Variants in LDLRAD4 observed in about 807,000 individuals in gnomAD.
LDLRAD4 encodes the protein low-density lipoprotein receptor class A domain-containing protein 4.
Under a neutral mutation model 17.0 loss-of-function variants are expected in LDLRAD4, and 5 were observed. The observed-to-expected ratio is 0.29, with a 90% CI of 0.15 to 0.62. The LOEUF is 0.62. LDLRAD4 is among the 20% of genes least tolerant of loss of function. The pLI is 0.84. For missense variants in LDLRAD4, 340 were observed against 424.7 expected (o/e 0.80, Z 1.75); for synonymous variants, 168 against 171.8 (o/e 0.98, Z 0.17).
intron 3 of LDLRAD4, among the ~76,000 whole-genome samples, chr18:13,540,461 C>T (rs922729127): frequency 6.7e-6 from 1 of 149,692 alleles, no homozygotes; most frequent in Non-Finnish European, 1.5e-5. Flanking sequence ...TCCTATATAA[C>T]CTTTTTTTCT....
At chr18:13,641,230 G>T (rs2042522767) in intron 4 of LDLRAD4, among the ~76,000 whole-genome samples, 1 of 152,190 alleles carries the variant, frequency 6.6e-6, no homozygotes, top group South Asian at 2.1e-4. Flanking sequence ...GAGCCCAGGA[G>T]TTCAAGATCA....
chr18:13,399,614 T>C (rs928582125), intron 2 of LDLRAD4, among the ~76,000 whole-genome samples: 4 of 152,222 alleles, frequency 2.6e-5, no homozygotes, highest in Non-Finnish European at 5.9e-5. Context: ...TTGCTAACTC[T>C]GAGACCCCAG....
intron 1 of LDLRAD4, among the ~76,000 whole-genome samples, chr18:13,304,659 C>G (rs1305065661): frequency 6.6e-6 from 1 of 152,206 alleles, no homozygotes; most frequent in African/African-American, 2.4e-5. Flanking sequence ...AACATCAGCC[C>G]TTTTGAGTTT....
At chr18:13,345,132 G>A (rs926956075) in intron 1 of LDLRAD4, among the ~76,000 whole-genome samples, 3 of 152,168 alleles carry the variant, frequency 2.0e-5, no homozygotes, top group African/African-American at 7.2e-5. Context: ...AATAGGAGTG[G>A]TGAGAGAGGG....
At chr18:13,275,836 A>C (rs1230686650), upstream of LDLRAD4, among the ~76,000 whole-genome samples, 3 of 152,200 alleles carry the variant, frequency 2.0e-5, no homozygotes, top group East Asian at 5.8e-4. Context: ...TGCCAGGATG[A>C]CGGGGATGTG....
intron 4 of LDLRAD4, among the ~76,000 whole-genome samples, chr18:13,638,608 T>G (rs988905934): frequency 2.0e-5 from 3 of 152,216 alleles, no homozygotes; most frequent in African/African-American, 7.2e-5. Context: ...TAACAGCCCC[T>G]GATAAGTCCT....
At chr18:13,338,480 T>C (rs1266264947) in intron 1 of LDLRAD4, among the ~76,000 whole-genome samples, 1 of 152,208 alleles carries the variant, frequency 6.6e-6, no homozygotes, top group East Asian at 1.9e-4. Context: ...TGTGCCCTTC[T>C]TCAGTGTAGC....
chr18:13,520,686 C>T (rs557243322), intron 3 of LDLRAD4: 2 of 152,178 alleles, frequency 1.3e-5, no homozygotes, highest in South Asian at 4.1e-4. Context: ...GACCTCGTCT[C>T]TACTAAAAAT....
At chr18:13,494,059 G>A (rs1648610) in intron 3 of LDLRAD4, among the ~76,000 whole-genome samples, 12,843 of 152,280 alleles carry the variant, frequency 0.084, 627 homozygotes, top group East Asian at 0.21. Context: ...TCCTGGGCTC[G>A]GAGCACAGCT....
intron 2 of LDLRAD4, among the ~76,000 whole-genome samples, chr18:13,417,502 G>A (rs916846241): frequency 6.7e-6 from 1 of 149,906 alleles, no homozygotes; most frequent in East Asian, 2.0e-4. Flanking sequence ...GCGCGATCTC[G>A]GCTCACTGCA....
intron 3 of LDLRAD4, chr18:13,611,419 C>T (rs1288460726): frequency 1.0e-6 from 1 of 984,146 alleles, no homozygotes; most frequent in African/African-American, 1.7e-5. Flanking sequence ...CCGTGATTTT[C>T]TCTGAAAACT....
chr18:13,309,698 T>C (rs1238540556), intron 1 of LDLRAD4, among the ~76,000 whole-genome samples: 3 of 152,046 alleles, frequency 2.0e-5, no homozygotes, highest in Admixed American at 6.5e-5. Flanking sequence ...CTTTGTGGAG[T>C]ATTTCCTGTG....
intron 3 of LDLRAD4, among the ~76,000 whole-genome samples, chr18:13,572,914 G>T (rs574674013): frequency 6.6e-6 from 1 of 152,184 alleles, no homozygotes; most frequent in Admixed American, 6.5e-5. Flanking sequence ...TGGCGCAGGC[G>T]AGACTGCCAC....
intron 2 of LDLRAD4, chr18:13,419,415 T>G (rs563919593): frequency 1.3e-5 from 2 of 152,296 alleles, no homozygotes; most frequent in South Asian, 4.1e-4. Context: ...ATTTTTTTTA[T>G]TTTTTAGAGA....
At chr18:13,407,517 G>A (rs949138265) in intron 2 of LDLRAD4, among the ~76,000 whole-genome samples, 28 of 152,202 alleles carry the variant, frequency 1.8e-4, no homozygotes, top group African/African-American at 6.8e-4. Context: ...CAAGGTCTAT[G>A]ACCATACCAC....
At chr18:13,612,934 G>C in intron 3 of LDLRAD4, 1 of 714,602 alleles carries the variant, frequency 1.4e-6, no homozygotes, top group Non-Finnish European at 2.3e-6. Context: ...GAACATTTCC[G>C]GGTGGGACTC....
chr18:13,259,903 C>G (rs1351416931), intron 1 of LDLRAD4, among the ~76,000 whole-genome samples: 1 of 152,230 alleles, frequency 6.6e-6, no homozygotes, highest in Admixed American at 6.5e-5. Flanking sequence ...AATGGAGGCC[C>G]CAGGAGGGGA....
At position 13,440,655 on chromosome 18, in the gene LDLRAD4, T is replaced by C. The variant is rs2090964844; in HGVS notation, c.181+2271T>C. 6.6e-6 allele frequency among the ~76,000 whole-genome samples: 1 copy of C among 152,124 alleles called. No homozygotes were observed. Among genetic ancestry groups the C allele is most frequent in the South Asian group, 2.1e-4 (1 of 4,822 alleles). On this transcript the variant is annotated intron_variant, in intron 3 of 5. Transcript: ENST00000359446. The surrounding 1 kb of genome is among the most constrained non-coding windows in gnomAD (Gnocchi z 4.4). ...TAGGGGAGTGACAGCTCCTTTCAGC[T>C]TGGTTTCTCTCCCTGTGGAACAGGC...
intron 3 of LDLRAD4, among the ~76,000 whole-genome samples, chr18:13,589,236 C>A (rs2094976887): frequency 1.3e-5 from 2 of 152,176 alleles, no homozygotes. Context: ...GCCCAGCTTG[C>A]CATCTTTTTT....
Sources: allele counts gnomAD v4.1 joint callset (sites outside exome capture counted in the v4.1 genomes callset), GRCh38; gene constraint gnomAD v4.1.1; non-coding constraint Gnocchi (gnomAD v3.1); transcripts MANE v1.5; gene names NCBI Gene and HGNC (gene_info 2026-07-23, HGNC 2026-07-21).